OR2L13: variants seen among roughly 807,000 people sequenced by gnomAD.
The protein encoded by OR2L13 is olfactory receptor family 2 subfamily L member 13, also known as olfactory receptor 2L13.
OR2L13 carries 14 observed loss-of-function variants against 15.3 expected under a neutral mutation model. That is an observed-to-expected ratio of 0.91 (90% CI 0.60 to 1.43). OR2L13 has a LOEUF of 1.43. Among genes scored for constraint, OR2L13 ranks in the 40% most tolerant of loss-of-function variants. The pLI, the probability that OR2L13 is intolerant of heterozygous loss-of-function variation, is 0.00. For synonymous variants in OR2L13, 152 were observed against 142.9 expected (o/e 1.06, Z -0.45); for missense variants, 367 against 387.9 (o/e 0.95, Z 0.45).
the OR2L13 span, among the ~76,000 whole-genome samples, chr1:248,081,301 T>A: frequency 1.3e-5 from 2 of 152,184 alleles, no homozygotes; most frequent in African/African-American, 4.8e-5. Context: ...AAATACCACT[T>A]CTTTGAAACA....
At chr1:247,961,173 G>T in the OR2L13 span, among the ~76,000 whole-genome samples, 3,664 of 152,208 alleles carry the variant, frequency 0.024, 73 homozygotes, top group East Asian at 0.089. Context: ...GAAGAATCAG[G>T]CTTGGTATAC....
chr1:247,976,728 G>T, the OR2L13 span, among the ~76,000 whole-genome samples: 2 of 152,130 alleles, frequency 1.3e-5, no homozygotes, highest in East Asian at 1.9e-4. Flanking sequence ...TCTTTAGTAG[G>T]GTATGTGATT....
chr1:248,058,071 T>G, the OR2L13 span, among the ~76,000 whole-genome samples: 1 of 152,114 alleles, frequency 6.6e-6, no homozygotes, highest in Admixed American at 6.5e-5. Flanking sequence ...GCTGCCAGTC[T>G]TTCATTATTA....
chr1:248,043,356 A>G, the OR2L13 span, among the ~76,000 whole-genome samples: 13 of 152,342 alleles, frequency 8.5e-5, no homozygotes, highest in African/African-American at 4.8e-5. Context: ...ATTCTGCACT[A>G]TATGTTGAGG....
the OR2L13 span, among the ~76,000 whole-genome samples, chr1:248,071,345 C>T: frequency 6.2e-3 from 939 of 152,058 alleles, 7 homozygotes; most frequent in Non-Finnish European, 8.7e-3. Flanking sequence ...TAAATGTAAT[C>T]CAGCATATAA....
the OR2L13 span, among the ~76,000 whole-genome samples, chr1:248,055,107 T>C: frequency 2.0e-5 from 3 of 152,152 alleles, no homozygotes; most frequent in African/African-American, 7.2e-5. Context: ...TTTTGATGTA[T>C]GTTCCTTAAA....
chr1:247,975,222 A>G, the OR2L13 span: 1 of 399,794 alleles, frequency 2.5e-6, no homozygotes, highest in South Asian at 2.1e-5. Flanking sequence ...CATTTCATAT[A>G]TGCCCCATAT....
At chr1:247,976,590 A>G in the OR2L13 span, among the ~76,000 whole-genome samples, 8,378 of 152,278 alleles carry the variant, frequency 0.055, 710 homozygotes, top group African/African-American at 0.19. Flanking sequence ...GTCAAACATC[A>G]TGTTGTACAG....
At chr1:247,999,773 A>T in the OR2L13 span, among the ~76,000 whole-genome samples, 1 of 152,148 alleles carries the variant, frequency 6.6e-6, no homozygotes, top group Non-Finnish European at 1.5e-5. Context: ...AAAGACATGC[A>T]GATTCAGGTA....
the OR2L13 span, among the ~76,000 whole-genome samples, chr1:247,938,149 G>A: frequency 6.6e-6 from 1 of 151,946 alleles, no homozygotes; most frequent in Non-Finnish European, 1.5e-5. Context: ...TTTTTTCCCT[G>A]ACAATTGAGT....
chr1:247,943,667 A>T, the OR2L13 span, among the ~76,000 whole-genome samples: 1 of 152,142 alleles, frequency 6.6e-6, no homozygotes, highest in Non-Finnish European at 1.5e-5. Flanking sequence ...TGATGAGTTT[A>T]TCAGGATATT....
the OR2L13 span, among the ~76,000 whole-genome samples, chr1:247,978,600 A>G: frequency 2.4e-3 from 368 of 152,290 alleles, 1 homozygote; most frequent in African/African-American, 7.7e-3. Flanking sequence ...TTTAAAATAA[A>G]CAGGTCACTT....
chr1:247,972,652 A>C, the OR2L13 span, among the ~76,000 whole-genome samples: 1 of 139,734 alleles, frequency 7.2e-6, no homozygotes, highest in African/African-American at 2.6e-5. Context: ...CAAAACAAAA[A>C]AAACCCAGGA....
chr1:247,989,140 A>G, the OR2L13 span, among the ~76,000 whole-genome samples: 1 of 152,172 alleles, frequency 6.6e-6, no homozygotes, highest in Non-Finnish European at 1.5e-5. Flanking sequence ...ATGGTGGTAG[A>G]CATTAAAAAT....
At chr1:248,007,640 C>G in the OR2L13 span, among the ~76,000 whole-genome samples, 1 of 152,170 alleles carries the variant, frequency 6.6e-6, no homozygotes, top group Non-Finnish European at 1.5e-5. Context: ...TATGCCTCTT[C>G]CTCGTTTTAG....
At chr1:247,987,984 A>G in the OR2L13 span, among the ~76,000 whole-genome samples, 2 of 152,170 alleles carry the variant, frequency 1.3e-5, no homozygotes, top group Non-Finnish European at 2.9e-5. Flanking sequence ...TATTTCTCTC[A>G]AAAACTTAAT....
upstream of OR2L13, among the ~76,000 whole-genome samples, chr1:248,093,682 C>CAAATAATT (rs1240057113): frequency 2.0e-5 from 3 of 152,134 alleles, no homozygotes; most frequent in Non-Finnish European, 4.4e-5. Context: ...ATTCAAGAAT[C>CAAATAATT]CAGCATTACT....
At chr1:247,982,041 T>G in the OR2L13 span, among the ~76,000 whole-genome samples, 1 of 152,278 alleles carries the variant, frequency 6.6e-6, no homozygotes, top group East Asian at 1.9e-4. Context: ...GGTCTCAATC[T>G]CCTGACCTCG....
At chr1:248,070,156 A>C in the OR2L13 span, among the ~76,000 whole-genome samples, 1 of 152,310 alleles carries the variant, frequency 6.6e-6, no homozygotes, top group South Asian at 2.1e-4. Flanking sequence ...CTCCACCCCA[A>C]ATCAACAGAA....
Sources: gnomAD v4.1 joint callset for allele counts (sites outside exome capture counted in the v4.1 genomes callset) on GRCh38, gnomAD v4.1.1 for gene constraint, MANE v1.5 for transcripts, NCBI Gene and HGNC (gene_info 2026-07-23, HGNC 2026-07-21) for gene names.